ADAD2: variants seen among roughly 807,000 people sequenced by gnomAD.
ADAD2 encodes adenosine deaminase domain containing 2.
A neutral mutation model predicts 54.5 loss-of-function variants in ADAD2; 60 were observed. The ratio of observed to expected loss-of-function variants is 1.10; its 90% CI spans 0.89 to 1.36. The LOEUF (loss-of-function observed/expected upper bound fraction) is 1.36. Among genes scored for constraint, ADAD2 ranks in the 40% most tolerant of loss-of-function variants. ADAD2 has a pLI of 0.00. For missense variants in ADAD2, 1,103 were observed against 801.3 expected, an observed-to-expected ratio of 1.38 and a Z score of -4.54; for synonymous variants, 543 against 366.2, an observed-to-expected ratio of 1.48 and a Z score of -5.51.
At position 84,195,664 on chromosome 16, in the gene ADAD2, G is replaced by C. The variant is rs1278377965; in HGVS notation, c.1019G>C (p.Ser340Thr). Residue 340 changes from serine (S) to threonine (T), a missense_variant, in exon 6 of 10, where the codon AGC becomes ACC. Ser to Thr is a moderately conservative substitution (Grantham distance 58). Coordinates refer to ENST00000315906, the MANE Select transcript of ADAD2 (RefSeq NM_001145400.2). ...CGCGTCTTCCTGCACCTCTACATCAGCAACACCCCCAAGGGCGCGGCCCGT... is the reference window on the plus strand; with the variant it reads ...CGCGTCTTCCTGCACCTCTACATCACCAACACCCCCAAGGGCGCGGCCCGT... ...KPRVFLHLYI[S>T]NTPKGAARDI... 6.3e-7 allele frequency: 1 copy of C among 1,582,972 alleles called. No homozygotes were observed. The highest frequency in any genetic ancestry group is 1.4e-5 in the African/African-American group (1 of 73,296).
At position 84,195,202 on chromosome 16, in the gene ADAD2, T is replaced by C. The variant is rs1399472733; in HGVS notation, c.733+8T>C. 1.2e-6 allele frequency: 2 copies of C among 1,611,938 alleles called. No homozygotes were observed. Among genetic ancestry groups the C allele is most frequent in the Non-Finnish European group, 1.7e-6 (2 of 1,179,270 alleles). ...GAGTCATCCTGGAGAGGGGTAGGGA[T>C]CGCCCCAGCCCTGGCCCTGGCCCCG... is the stretch of plus-strand genomic sequence containing the variant. On this transcript the variant is annotated splice_region_variant and intron_variant, in intron 4 of 9. Coordinates refer to ENST00000315906, the MANE Select transcript of ADAD2 (RefSeq NM_001145400.2).
intron 6 of ADAD2, 28 bp from the exon 7 acceptor site, chr16:84,195,787 C>A: frequency 1.3e-6 from 2 of 1,570,928 alleles, no homozygotes; most frequent in South Asian, 1.2e-5. Flanking sequence ...AGCCCTGAAG[C>A]TGATGTCTGT....
At chr16:84,196,618 G>A (rs377054247) in intron 8 of ADAD2, 29 bp from the exon 9 acceptor site, 31 of 1,609,042 alleles carry the variant, frequency 1.9e-5, no homozygotes, top group Non-Finnish European at 2.6e-5. Flanking sequence ...GTATCTCTCT[G>A]ATCTCAGTGG....
In ADAD2 at chr16:84,195,513, G is replaced by C; in HGVS notation, c.885-17G>C. On this transcript the variant is annotated splice_polypyrimidine_tract_variant and intron_variant, in intron 5 of 9. Coordinates refer to ENST00000315906, the MANE Select transcript of ADAD2 (RefSeq NM_001145400.2). ...AGGACAAGGTCTTCCCAACCACCCT[G>C]TGCCTGTCGCTCCTAGGTTCTTGTT... 1 of 1,601,502 alleles carries C rather than the reference G, an allele frequency of 6.2e-7. No individual in the cohort carries two copies. The highest frequency in any genetic ancestry group is 8.5e-7 in the Non-Finnish European group (1 of 1,172,638).
chr16:84,195,615 G>C lies in ADAD2; in HGVS notation c.970G>C (p.Gly324Arg), dbSNP rs201035894. 1.2e-6 allele frequency: 2 copies of C among 1,604,984 alleles called. No individual in the cohort carries two copies. The highest frequency in any genetic ancestry group is 1.7e-6 in the Non-Finnish European group (2 of 1,176,092). The change falls in exon 6 of 10, where the codon GGA becomes CGA. Residue 324 changes from glycine (G) to arginine (R), a missense_variant. Transcript: ENST00000315906. ...CGTGCTGGCCCCCCAGCCAGGGCCCGGACCCCCATTCACCCTCAAGCCCCG... is the reference window on the plus strand; with the variant it reads ...CGTGCTGGCCCCCCAGCCAGGGCCCCGACCCCCATTCACCCTCAAGCCCCG... ...QSVLAPQPGP[G>R]PPFTLKPRVF... is the part of the protein sequence containing the mutation.
At position 84,194,613 on chromosome 16, in the gene ADAD2, G is replaced by C. The variant is rs547249872; in HGVS notation, c.559+31G>C. 23 of 1,584,914 alleles carry C rather than the reference G, an allele frequency of 1.5e-5. No homozygotes were observed. The Admixed American group carries it at 1.8e-4, about 12-fold the overall frequency. The stretch of plus-strand genomic sequence containing the variant: ...GGAGGGAGGGCCAGGCAGCTGAGCC[G>C]CAGCTGGGGACAAGAGGACTGAGGC... On this transcript the variant is annotated intron_variant, in intron 2 of 9. Coordinates refer to ENST00000315906, the MANE Select transcript of ADAD2 (RefSeq NM_001145400.2).
chr16:84,192,963 G>C (rs957953958), intron 1 of ADAD2: 3 of 151,900 alleles, frequency 2.0e-5, no homozygotes. Context: ...TTGCGCCTCA[G>C]CCTCCCGAGT....
At position 84,196,462 on chromosome 16, in the gene ADAD2, CAACCCCTTCGCT is replaced by C; in HGVS notation, c.1526+93_1526+104del. ...TCCTCACCTCAGTCTAATCCCAGCG[CAACCCCTTCGCT>C]CAACCCCTTCGCTCAACCCCTTCCT... On this transcript the variant is annotated intron_variant, in intron 8 of 9. Coordinates refer to ENST00000315906, the MANE Select transcript of ADAD2 (RefSeq NM_001145400.2). 4.2e-6 allele frequency: 3 copies of C among 707,220 alleles called. No individual in the cohort carries two copies. The African/African-American group carries it at 2.0e-4, about 48-fold the overall frequency. The allele number at this position is 707,220 out of a possible 1,614,324, so 43.8% of individuals were successfully genotyped here. A position where few individuals can be genotyped will look rare whatever the true frequency, so the allele number is the denominator to read the frequency against.
At position 84,194,585 on chromosome 16, in the gene ADAD2, A is replaced by G; in HGVS notation, c.559+3A>G. The G allele has an allele frequency of 1.2e-6, 2 of 1,601,380 alleles. No homozygotes were observed. Among genetic ancestry groups the G allele is most frequent in the Admixed American group, 3.4e-5 (2 of 58,110 alleles). On this transcript the variant is annotated splice_donor_region_variant and intron_variant, in intron 2 of 9. Coordinates refer to ENST00000315906, the MANE Select transcript of ADAD2 (RefSeq NM_001145400.2). ...CCGGAGTCAGCTGGAGAACCCAGGT[A>G]ATGGAGGGAGGGCCAGGCAGCTGAG...
chr16:84,194,750 A>C (rs539400784), intron 2 of ADAD2, 168 bp downstream of exon 2: 47 of 1,328,306 alleles, frequency 3.5e-5, no homozygotes, highest in Non-Finnish European at 4.8e-5. Flanking sequence ...GGCGGGGTAC[A>C]TGTGCCGGTC....
At chr16:84,196,788 C>T (rs112008854) in intron 9 of ADAD2, 21 bp downstream of exon 9, 1 of 1,602,666 alleles carries the variant, frequency 6.2e-7, no homozygotes. Context: ...CACCCTCCCC[C>T]CGTCCCGGTC....
At position 84,196,028 on chromosome 16, in the gene ADAD2, C is replaced by G; in HGVS notation, c.1266C>G (p.Ser422Arg). The G allele has an allele frequency of 6.3e-7, 1 of 1,599,188 alleles. No individual in the cohort carries two copies. The highest frequency in any genetic ancestry group is 1.1e-5 in the South Asian group (1 of 91,078). Residue 422 changes from serine (S) to arginine (R), a missense_variant, in exon 7 of 10, where the codon AGC becomes AGG. Ser to Arg is a moderately radical substitution (Grantham distance 110, BLOSUM62 -1). Transcript: ENST00000315906. ...CCCACCTGGTGTCCCCACTCTACAG[C>G]ACCAGCCTCATCCTGGGTGAGCACG... ...LLAHLVSPLY[S>R]TSLILADSCH...
At chr16:84,194,883 G>T (rs1328353181) in intron 2 of ADAD2, 50 bp from the exon 3 acceptor site, 5 of 1,558,162 alleles carry the variant, frequency 3.2e-6, no homozygotes, top group Non-Finnish European at 4.3e-6. Flanking sequence ...CTGAGGGACG[G>T]AGGGTGGGCC....
At chr16:84,195,006 CT>C (rs35353940) in intron 3 of ADAD2, 26 bp downstream of exon 3, 1,029,773 of 1,612,646 alleles carry the variant, frequency 0.64, 331,074 homozygotes, top group African/African-American at 0.79. Context: ...CGGACCCAGG[CT>C]TGTAGTGTCG....
rs754783785 is a variant in ADAD2 at position 84,191,307 on chromosome 16, GC to G, written c.82del (p.Gln28SerfsTer37). On this transcript the variant is annotated frameshift_variant, in exon 1 of 10. Coordinates refer to ENST00000315906, the MANE Select transcript of ADAD2 (RefSeq NM_001145400.2). LOFTEE classifies it high-confidence loss of function. ...KPRLAASLQI[S>X]PQPRPWRPLP... ...CGCCTGGCTGCATCGTTGCAGATCA[GC>G]CCCCAGCCCCGCCCCTGGCGACCGC... 20 of 1,589,860 alleles carry G rather than the reference GC, an allele frequency of 1.3e-5. No individual in the cohort carries two copies. Among genetic ancestry groups the G allele is most frequent in the Non-Finnish European group, 1.6e-5 (19 of 1,167,424 alleles).
chr16:84,191,493 G>C lies in ADAD2; in HGVS notation c.263G>C (p.Gly88Ala). The change falls in exon 1 of 10, where the codon GGG becomes GCG. Residue 88 changes from glycine to alanine, a missense_variant. Coordinates refer to ENST00000315906, the MANE Select transcript of ADAD2 (RefSeq NM_001145400.2). ...LGAARAWENL[G>A]EQMGKAPRVP... is the part of the protein sequence containing the mutation. ...GCAGCCCGGGCGTGGGAAAACTTGG[G>C]GGAACAGATGGGGAAGGCCCCGAGG... The C allele has an allele frequency of 1.3e-6, 2 of 1,541,030 alleles. No homozygotes were observed. Among genetic ancestry groups the C allele is most frequent in the Non-Finnish European group, 8.7e-7 (1 of 1,145,216 alleles).
In ADAD2 at chr16:84,195,194, G is replaced by T; in HGVS notation, c.733G>T (p.Glu245Ter). 1.9e-6 allele frequency: 3 copies of T among 1,612,474 alleles called. No individual in the cohort carries two copies. Among genetic ancestry groups the T allele is most frequent in the Middle Eastern group, 1.7e-4 (1 of 6,052 alleles). Reference sequence around the variant, plus strand: ...TGTGGCTGGAGTCATCCTGGAGAGGGGTAGGGATCGCCCCAGCCCTGGCCC... The same window carrying T: ...TGTGGCTGGAGTCATCCTGGAGAGGTGTAGGGATCGCCCCAGCCCTGGCCC... The part of the protein sequence containing the change: ...GTVAGVILER[E>*]IPRARGHVKE... Residue 245 changes from glutamate to a stop codon, truncating the protein, a stop_gained and splice_region_variant, in exon 4 of 10, where the codon GAG (glutamate) becomes TAG (stop). Transcript: ENST00000315906. LOFTEE classifies it high-confidence loss of function.
At position 84,196,860 on chromosome 16, in the gene ADAD2, C is replaced by T. The variant is rs1597602214; in HGVS notation, c.1648-10C>T. 1.9e-6 allele frequency: 3 copies of T among 1,589,966 alleles called. No homozygotes were observed. The highest frequency in any genetic ancestry group is 1.7e-4 in the Middle Eastern group (1 of 5,998). ...CCTCCTCTCACCCCACCTCTCATCT[C>T]CCGCCCTAGGCTGGGCCCTACCAGG... is the stretch of plus-strand genomic sequence containing the variant. On this transcript the variant is annotated splice_polypyrimidine_tract_variant and intron_variant, in intron 9 of 9. Transcript: ENST00000315906.
At position 84,195,908 on chromosome 16, in the gene ADAD2, G is replaced by C. The variant is rs759871229; in HGVS notation, c.1146G>C (p.Val382=). The C allele has an allele frequency of 1.9e-6, 3 of 1,600,978 alleles. No individual in the cohort carries two copies. Among genetic ancestry groups the C allele is most frequent in the African/African-American group, 2.7e-5 (2 of 74,850 alleles). The change falls in exon 7 of 10, where the codon GTG becomes GTC. Residue 382 remains valine, a synonymous_variant. Transcript: ENST00000315906. ...VLGQLKPVCY[V]APSLCDTHVG... ...GGCAGCTGAAGCCTGTGTGCTACGT[G>C]GCGCCCTCGCTCTGTGACACCCACG... is the stretch of plus-strand genomic sequence containing the variant.
Sources: gnomAD v4.1 joint callset for allele counts on GRCh38, gnomAD v4.1.1 for gene constraint, MANE v1.5 for transcripts, NCBI Gene and HGNC (gene_info 2026-07-23, HGNC 2026-07-21) for gene names.